The following IQCH variants were observed in gnomAD, a reference collection of about 807,000 sequenced individuals.
The protein encoded by IQCH is IQ domain-containing protein H.
Under a neutral mutation model 117.0 loss-of-function variants are expected in IQCH, and 98 were observed. The observed-to-expected ratio is 0.84, with a 90% CI of 0.71 to 0.99. IQCH has a LOEUF of 0.99. IQCH is among the 50% of genes least tolerant of loss of function. The pLI, the probability that IQCH is intolerant of heterozygous loss-of-function variation, is 0.00. For missense variants in IQCH, 1,102 were observed against 1,243.8 expected (o/e 0.89, Z 1.72); for synonymous variants, 412 against 448.2 (o/e 0.92, Z 1.02).
rs1030190253 is a variant in IQCH, at chr15:67,413,693, G to C, written c.2098-3238G>C. Among the ~76,000 whole-genome samples the C allele has an allele frequency of 6.6e-6, 1 of 152,014 alleles. No individual in the cohort carries two copies. Among genetic ancestry groups the C allele is most frequent in the Non-Finnish European group, 1.5e-5 (1 of 68,006 alleles). ...CTTACCTCGCATTATTCCTCTCCAT[G>C]CCTTTTTTCTTAGAGAATGAATCAT... On this transcript the variant is annotated intron_variant, in intron 14 of 20. Transcript: ENST00000335894. This position sits in a 1 kb window ranked among gnomAD's most constrained non-coding sequence, Gnocchi z 5.0.
chr15:67,261,267 T>A lies in IQCH; in HGVS notation c.52-5T>A, dbSNP rs1965449855. ...TTCAATATTTTTCATTTTTTATACC[T>A]ATAGATCCATGAAGACCTTTATCAG... is the stretch of plus-strand genomic sequence containing the variant. On this transcript the variant is annotated splice_polypyrimidine_tract_variant and splice_region_variant and intron_variant, in intron 1 of 20. Transcript: ENST00000335894. The A allele has an allele frequency of 6.6e-7, 1 of 1,519,570 alleles. No individual in the cohort carries two copies. The highest frequency in any genetic ancestry group is 8.9e-7 in the Non-Finnish European group (1 of 1,123,828). 94.1% of individuals were successfully genotyped at this position (1,519,570 alleles called of 1,614,324 possible). A position where few individuals can be genotyped will look rare whatever the true frequency, so the allele number is the denominator to read the frequency against.
At chr15:67,290,184 A>G (rs908417722) in intron 4 of IQCH, among the ~76,000 whole-genome samples, 1 of 152,070 alleles carries the variant, frequency 6.6e-6, no homozygotes, top group African/African-American at 2.4e-5. Context: ...CCTTCTCCTG[A>G]AAATCAGTGG....
At chr15:67,382,782 A>G (rs531664376) in intron 10 of IQCH, among the ~76,000 whole-genome samples, 1 of 152,186 alleles carries the variant, frequency 6.6e-6, no homozygotes, top group Non-Finnish European at 1.5e-5. Flanking sequence ...CAGTGTTCCT[A>G]ATTGATACCC....
At chr15:67,483,646 T>C (rs997540113) in intron 18 of IQCH, among the ~76,000 whole-genome samples, 9 of 152,214 alleles carry the variant, frequency 5.9e-5, no homozygotes, top group African/African-American at 2.2e-4. Flanking sequence ...CTCATGACCT[T>C]GATCTCTTGA....
chr15:67,341,619 A>G (rs1969179145), intron 5 of IQCH, among the ~76,000 whole-genome samples: 1 of 152,160 alleles, frequency 6.6e-6, no homozygotes, highest in Non-Finnish European at 1.5e-5. Context: ...TGCTCATCTC[A>G]GTGGGATCTC....
In IQCH at chr15:67,436,276, CCT is replaced by C. The variant is rs2082134399; in HGVS notation, c.2505+14705_2505+14706del. 6.6e-6 allele frequency among the ~76,000 whole-genome samples: 1 copy of C among 152,192 alleles called. No individual in the cohort carries two copies. The highest frequency in any genetic ancestry group is 2.4e-5 in the African/African-American group (1 of 41,444). On this transcript the variant is annotated intron_variant, in intron 16 of 20. Transcript: ENST00000335894. This position sits in a 1 kb window ranked among gnomAD's most constrained non-coding sequence, Gnocchi z 5.1. ...TGCGGAAGTAGGAAAGGGAGACCCT[CCT>C]CTCTCAAACACACACCCCCGCACTG... is the stretch of plus-strand genomic sequence containing the variant.
In IQCH at chr15:67,359,880, A is replaced by C. The variant is rs1263740372; in HGVS notation, c.748A>C (p.Arg250=). ...CAGAAGGTCAAGAGGACATCATGAT[A>C]GGAAGGTCTGTAATTTGTGTGACTA... ...KSRRSRGHHD[R]KAMKVKTPLR... Residue 250 remains arginine (R), a synonymous_variant, in exon 8 of 21, where the codon AGG becomes CGG. Transcript: ENST00000335894. This position sits in a 1 kb window ranked among gnomAD's most constrained non-coding sequence, Gnocchi z 4.5. The C allele has an allele frequency of 3.1e-6, 5 of 1,612,740 alleles. No individual in the cohort carries two copies. The South Asian group carries it at 4.4e-5, about 14-fold the overall frequency.
At chr15:67,439,264 C>G (rs1165858754) in intron 16 of IQCH, among the ~76,000 whole-genome samples, 3 of 152,250 alleles carry the variant, frequency 2.0e-5, no homozygotes, top group Non-Finnish European at 2.9e-5. Flanking sequence ...ATCTGCAAAA[C>G]CATGCAAATA....
At chr15:67,378,859 G>C in intron 10 of IQCH, among the ~76,000 whole-genome samples, 1 of 152,162 alleles carries the variant, frequency 6.6e-6, no homozygotes, top group South Asian at 2.1e-4. Flanking sequence ...TAAAAGGCTC[G>C]TTCAGTGGTT....
rs1567193397 is a variant in IQCH, at chr15:67,442,884, A to AT, written c.2505+21307_2505+21308insT. On this transcript the variant is annotated intron_variant, in intron 16 of 20. Coordinates refer to ENST00000335894, the MANE Select transcript of IQCH (RefSeq NM_001031715.3). The stretch of plus-strand genomic sequence containing the variant: ...GATAGATATACATATATATATATAT[A>AT]AAATACATATAGATATACATACACA... 1.6e-3 allele frequency among the ~76,000 whole-genome samples: 232 copies of AT among 148,628 alleles called. 2 individuals carry two copies. Among genetic ancestry groups the AT allele is most frequent in the African/African-American group, 4.7e-3 (193 of 40,716 alleles).
In IQCH at chr15:67,413,935, C is replaced by G. The variant is rs189700472; in HGVS notation, c.2098-2996C>G. Reference sequence around the variant, plus strand: ...CTGGCTTTGTGATCAGAGGCGGTGGCAGAAGCCTGGCACAGTGTCCAGATG... The same window carrying G: ...CTGGCTTTGTGATCAGAGGCGGTGGGAGAAGCCTGGCACAGTGTCCAGATG... On this transcript the variant is annotated intron_variant, in intron 14 of 20. Coordinates refer to ENST00000335894, the MANE Select transcript of IQCH (RefSeq NM_001031715.3). This position sits in a 1 kb window ranked among gnomAD's most constrained non-coding sequence, Gnocchi z 5.0. Among the ~76,000 whole-genome samples the G allele has an allele frequency of 7.6e-4, 115 of 152,290 alleles. No homozygotes were observed. The highest frequency in any genetic ancestry group is 1.5e-3 in the Non-Finnish European group (102 of 68,020).
At chr15:67,415,458 A>G (rs1446304739) in intron 14 of IQCH, among the ~76,000 whole-genome samples, 2 of 152,160 alleles carry the variant, frequency 1.3e-5, no homozygotes, top group African/African-American at 2.4e-5. Flanking sequence ...TAAGATAACT[A>G]ATGAAACTCT....
intron 1 of IQCH, 101 bp downstream of exon 1, chr15:67,255,048 G>A: frequency 1.7e-6 from 2 of 1,148,626 alleles, no homozygotes; most frequent in East Asian, 2.5e-5. Flanking sequence ...TTGGTGCGCC[G>A]CCCCTAGACT....
intron 4 of IQCH, among the ~76,000 whole-genome samples, chr15:67,291,002 G>A (rs535423706): frequency 1.3e-5 from 2 of 152,226 alleles, no homozygotes; most frequent in Admixed American, 1.3e-4. Flanking sequence ...CACAAGAAGA[G>A]CTATATCTCT....
chr15:67,470,901 T>C (rs2083056617), intron 17 of IQCH, among the ~76,000 whole-genome samples: 1 of 152,214 alleles, frequency 6.6e-6, no homozygotes, highest in African/African-American at 2.4e-5. Flanking sequence ...AGGTGATCCT[T>C]TTCCCCCTTT....
chr15:67,348,301 A>G (rs1969495428), intron 6 of IQCH, among the ~76,000 whole-genome samples: 1 of 152,054 alleles, frequency 6.6e-6, no homozygotes, highest in Non-Finnish European at 1.5e-5. Flanking sequence ...GGAAAGGAAG[A>G]AATAAAACTC....
At chr15:67,489,655 G>C (rs1273996397) in intron 18 of IQCH, among the ~76,000 whole-genome samples, 8 of 151,880 alleles carry the variant, frequency 5.3e-5, no homozygotes, top group Non-Finnish European at 1.2e-4. Context: ...TAGAACAGTG[G>C]TTTTCATATT....
At chr15:67,367,828 TCTC>T (rs1970389532) in intron 8 of IQCH, among the ~76,000 whole-genome samples, 1 of 152,136 alleles carries the variant, frequency 6.6e-6, no homozygotes, top group Non-Finnish European at 1.5e-5. Context: ...TAGTACTTAT[TCTC>T]CTTCCTTTGG....
intron 16 of IQCH, among the ~76,000 whole-genome samples, chr15:67,423,617 A>C (rs1173680417): frequency 1.3e-5 from 2 of 150,820 alleles, no homozygotes; most frequent in Non-Finnish European, 3.0e-5. Flanking sequence ...AGAAAAGAAA[A>C]AAAGGCTGGG....
Sources: allele counts gnomAD v4.1 joint callset (sites outside exome capture counted in the v4.1 genomes callset), GRCh38; gene constraint gnomAD v4.1.1; non-coding constraint Gnocchi (gnomAD v3.1); transcripts MANE v1.5; gene names NCBI Gene and HGNC (gene_info 2026-07-23, HGNC 2026-07-21).